Variants in GRHL3 observed in about 807,000 individuals in gnomAD.
GRHL3 encodes grainyhead like transcription factor 3, also known as grainyhead-like protein 3 homolog.
GRHL3 carries 20 observed loss-of-function variants against 70.3 expected under a neutral mutation model. The observed-to-expected ratio is 0.28, with a 90% CI of 0.20 to 0.41. The LOEUF is 0.41. Ranked by LOEUF, GRHL3 falls within the 10% of genes least tolerant of loss-of-function variation. The pLI, the probability that GRHL3 is intolerant of heterozygous loss-of-function variation, is 1.00. For synonymous variants in GRHL3, 299 were observed against 299.9 expected (o/e 1.00, Z 0.03); for missense variants, 637 against 762.3 (o/e 0.84, Z 1.94).
At position 24,335,862 on chromosome 1, in the gene GRHL3, G is replaced by A. The variant is rs189127640; in HGVS notation, c.267-620G>A. ...CTCCCTAAGAGCTGGGATTACAGGC[G>A]TGAGCCACCGCGCCCTGCCACTCAA... On this transcript the variant is annotated intron_variant, in intron 3 of 15. Coordinates refer to ENST00000361548, the MANE Select transcript of GRHL3 (RefSeq NM_198173.3). 5.8e-4 allele frequency among the ~76,000 whole-genome samples: 88 copies of A among 152,278 alleles called. No individual in the cohort carries two copies. In the Middle Eastern group the frequency reaches 0.01, roughly 18 times the overall value.
intron 1 of GRHL3, among the ~76,000 whole-genome samples, chr1:24,330,946 T>C (rs910901332): frequency 5.9e-5 from 9 of 152,262 alleles, no homozygotes; most frequent in Admixed American, 4.6e-4. Context: ...CTCTCTGTCA[T>C]AGACCACGCT....
intron 15 of GRHL3, among the ~76,000 whole-genome samples, chr1:24,363,899 G>C (rs1641283545): frequency 6.6e-6 from 1 of 152,252 alleles, no homozygotes; most frequent in East Asian, 1.9e-4. Context: ...TGAGCACCTA[G>C]ACTGCCTTCA....
At chr1:24,338,346 C>T (rs777763515) in intron 7 of GRHL3, among the ~76,000 whole-genome samples, 8 of 152,156 alleles carry the variant, frequency 5.3e-5, no homozygotes, top group African/African-American at 9.7e-5. Flanking sequence ...TAGGCTCCTG[C>T]GATGCTGGCC....
chr1:24,358,660 G>C (rs767936084), downstream of GRHL3: 2 of 1,496,490 alleles, frequency 1.3e-6, no homozygotes, highest in Non-Finnish European at 1.9e-6. Context: ...AGAGAGAAAA[G>C]GCCCATTGCT....
Position 24,339,779 on chromosome 1 carries a change from G to C in GRHL3, c.1047+17G>C. ...GAGGCCAAGGTCAGTGCTGAGGGCA[G>C]TGGCTGGGATGGGACTGGGCTGCCT... On this transcript the variant is annotated intron_variant, in intron 8 of 15. Transcript: ENST00000361548. 6.4e-7 allele frequency: 1 copy of C among 1,572,730 alleles called. No homozygotes were observed. The highest frequency in any genetic ancestry group is 8.7e-7 in the Non-Finnish European group (1 of 1,145,822).
chr1:24,341,616 C>A (rs915048436), intron 8 of GRHL3, among the ~76,000 whole-genome samples: 1 of 152,158 alleles, frequency 6.6e-6, no homozygotes. Context: ...ACTAGAGGGT[C>A]CTGCTATGGC....
In GRHL3 at chr1:24,352,455, T is replaced by G. The variant is rs939935439; in HGVS notation, c.1695-1919T>G. On this transcript the variant is annotated intron_variant, in intron 15 of 15. Coordinates refer to ENST00000361548, the MANE Select transcript of GRHL3 (RefSeq NM_198173.3). Reference sequence around the variant, plus strand: ...GTGGCAAGTAACAAGAGGCCCACATTTGGTGACAGTGGTACTGCCTCTCAG... The same window carrying G: ...GTGGCAAGTAACAAGAGGCCCACATGTGGTGACAGTGGTACTGCCTCTCAG... Among the ~76,000 whole-genome samples the G allele has an allele frequency of 1.5e-4, 23 of 152,094 alleles. 1 individual carries two copies. Among genetic ancestry groups the G allele is most frequent in the Non-Finnish European group, 2.9e-5 (2 of 68,008 alleles).
Position 24,334,187 on chromosome 1 carries a change from G to A in GRHL3, c.205-458G>A, listed in dbSNP as rs1174492239. Reference sequence around the variant, plus strand: ...CTGGAGGGTTTTCTAGTGAGCAAGTGTATTAGTCTGTTCTCACGCTGCTAA... The same window carrying A: ...CTGGAGGGTTTTCTAGTGAGCAAGTATATTAGTCTGTTCTCACGCTGCTAA... On this transcript the variant is annotated intron_variant, in intron 2 of 15. Coordinates refer to ENST00000361548, the MANE Select transcript of GRHL3 (RefSeq NM_198173.3). The surrounding 1 kb of genome is among the most constrained non-coding windows in gnomAD (Gnocchi z 4.3). Among the ~76,000 whole-genome samples, 1 of 152,262 alleles carries A rather than the reference G, an allele frequency of 6.6e-6. No individual in the cohort carries two copies. The highest frequency in any genetic ancestry group is 1.9e-4 in the East Asian group (1 of 5,166).
At chr1:24,341,845 C>T (rs560857813) in intron 8 of GRHL3, among the ~76,000 whole-genome samples, 1 of 152,368 alleles carries the variant, frequency 6.6e-6, no homozygotes, top group Non-Finnish European at 1.5e-5. Context: ...ACTGTACCAA[C>T]AGCGGTGAAA....
chr1:24,326,067 C>T (rs1233410644), intron 1 of GRHL3, among the ~76,000 whole-genome samples: 1 of 152,136 alleles, frequency 6.6e-6, no homozygotes, highest in African/African-American at 2.4e-5. Context: ...CTGACAGGGG[C>T]GTTGTAAGAT....
chr1:24,333,251 C>A (rs1639675387), intron 2 of GRHL3, among the ~76,000 whole-genome samples: 1 of 152,214 alleles, frequency 6.6e-6, no homozygotes, highest in South Asian at 2.1e-4. Flanking sequence ...ATGACATGGT[C>A]TGATGGTGTG....
At position 24,350,137 on chromosome 1, in the gene GRHL3, C is replaced by T. The variant is rs1640446542; in HGVS notation, c.1694+15C>T. The T allele has an allele frequency of 6.2e-7, 1 of 1,608,958 alleles. No individual in the cohort carries two copies. The highest frequency in any genetic ancestry group is 8.5e-7 in the Non-Finnish European group (1 of 1,175,992). On this transcript the variant is annotated intron_variant, in intron 15 of 15. Transcript: ENST00000361548. Reference sequence around the variant, plus strand: ...TGCAAGCGAGGGTGAGTGCCTAGTTCACCCTCCCCCAGCTGGTTGCTCAGT... The same window carrying T: ...TGCAAGCGAGGGTGAGTGCCTAGTTTACCCTCCCCCAGCTGGTTGCTCAGT...
intron 1 of GRHL3, among the ~76,000 whole-genome samples, chr1:24,324,923 C>T (rs1445256096): frequency 2.6e-5 from 4 of 152,232 alleles, no homozygotes; most frequent in Admixed American, 6.5e-5. Flanking sequence ...GCCCATGTGA[C>T]GAGGCACATT....
chr1:24,355,894 TTATC>T (rs1640699013), downstream of GRHL3, among the ~76,000 whole-genome samples: 1 of 130,080 alleles, frequency 7.7e-6, no homozygotes. Context: ...TTCTTTTCAT[TTATC>T]TTTTTTTTTT....
At chr1:24,336,441 C>T in intron 3 of GRHL3, 41 bp from the exon 4 acceptor site, 2 of 1,391,244 alleles carry the variant, frequency 1.4e-6, no homozygotes, top group East Asian at 2.3e-5. Flanking sequence ...CCCCTTTACC[C>T]CCAGAGAGAA....
chr1:24,339,783 C>T, intron 8 of GRHL3, 21 bp downstream of exon 8: 1 of 1,548,220 alleles, frequency 6.5e-7, no homozygotes, highest in African/African-American at 1.4e-5. Context: ...AGGGCAGTGG[C>T]TGGGATGGGA....
intron 12 of GRHL3, among the ~76,000 whole-genome samples, chr1:24,345,856 G>A (rs1640260026): frequency 6.6e-6 from 1 of 152,186 alleles, no homozygotes; most frequent in East Asian, 1.9e-4. Flanking sequence ...CTTCGTAAGT[G>A]GGAAAGCACT....
At position 24,344,485 on chromosome 1, in the gene GRHL3, G is replaced by GAA. The variant is rs57193515; in HGVS notation, c.1420-384_1420-383dup. On this transcript the variant is annotated intron_variant, in intron 11 of 15. Coordinates refer to ENST00000361548, the MANE Select transcript of GRHL3 (RefSeq NM_198173.3). The stretch of plus-strand genomic sequence containing the variant: ...CAGCCTGGGAGACTCTTTCCCCCCA[G>GAA]AAAAAAAAAAAAAAAAAAAAAAAAA... 3.4e-3 allele frequency among the ~76,000 whole-genome samples: 190 copies of GAA among 55,786 alleles called. 8 individuals are homozygous for GAA. Among genetic ancestry groups the GAA allele is most frequent in the African/African-American group, 6.7e-3 (104 of 15,444 alleles). 36.6% of individuals were successfully genotyped at this position (55,786 alleles called of 152,430 possible).
At chr1:24,361,502 G>A (rs1641114674) in intron 15 of GRHL3, among the ~76,000 whole-genome samples, 1 of 152,278 alleles carries the variant, frequency 6.6e-6, no homozygotes, top group East Asian at 1.9e-4. Flanking sequence ...TGTGATGCCT[G>A]CCATGGTCAG....
Sources: gnomAD v4.1 joint callset for allele counts (sites outside exome capture counted in the v4.1 genomes callset) on GRCh38, gnomAD v4.1.1 for gene constraint, Gnocchi (gnomAD v3.1) non-coding constraint, MANE v1.5 for transcripts, NCBI Gene and HGNC (gene_info 2026-07-23, HGNC 2026-07-21) for gene names.